JMJD1C: variants seen among roughly 807,000 people sequenced by gnomAD.
The protein encoded by JMJD1C is jumonji domain containing 1C, also known as jumonji domain-containing protein 1C.
Under a neutral mutation model 245.3 loss-of-function variants are expected in JMJD1C, and 31 were observed. The ratio of observed to expected loss-of-function variants is 0.13; its 90% CI spans 0.09 to 0.17. The LOEUF is 0.17. Among genes scored for constraint, JMJD1C ranks in the 10% least tolerant of loss-of-function variants. The pLI is 1.00. For synonymous variants in JMJD1C, 1,057 were observed against 1,017.4 expected (o/e 1.04, Z -0.74); for missense variants, 2,691 against 3,000.2 (o/e 0.90, Z 2.41).
At chr10:63,373,250 A>G (rs1946452008) in intron 2 of JMJD1C, among the ~76,000 whole-genome samples, 1 of 152,214 alleles carries the variant, frequency 6.6e-6, no homozygotes. Flanking sequence ...CCAAGCAAAA[A>G]AAGACACCAC....
chr10:63,393,556 A>G (rs1246342446), intron 1 of JMJD1C, among the ~76,000 whole-genome samples: 1 of 152,170 alleles, frequency 6.6e-6, no homozygotes, highest in Non-Finnish European at 1.5e-5. Flanking sequence ...CAAGGAAAAG[A>G]TATCAGCACA....
chr10:63,226,850 G>A (rs771662002), intron 3 of JMJD1C, among the ~76,000 whole-genome samples: 2 of 151,974 alleles, frequency 1.3e-5, no homozygotes, highest in Admixed American at 6.6e-5. Flanking sequence ...CTGAGGTCAT[G>A]AGTTCAAGAC....
At chr10:63,223,025 A>G in intron 3 of JMJD1C, 2 of 1,321,748 alleles carry the variant, frequency 1.5e-6, no homozygotes, top group Non-Finnish European at 2.2e-6. Context: ...CAATACTATT[A>G]AAGTATTTTT....
intron 4 of JMJD1C, among the ~76,000 whole-genome samples, chr10:63,218,085 G>GA (rs1031838723): frequency 1.3e-5 from 2 of 151,942 alleles, no homozygotes; most frequent in Non-Finnish European, 2.9e-5. Context: ...AACTGTAAGG[G>GA]AAAAAACTGC....
intron 1 of JMJD1C, among the ~76,000 whole-genome samples, chr10:63,516,776 C>T (rs1955029441): frequency 6.6e-6 from 1 of 152,184 alleles, no homozygotes; most frequent in Non-Finnish European, 1.5e-5. Context: ...GTCAGCTAGT[C>T]ACCATCTTTT....
chr10:63,244,511 T>A (rs537814827), intron 3 of JMJD1C, among the ~76,000 whole-genome samples: 2 of 151,804 alleles, frequency 1.3e-5, no homozygotes, highest in African/African-American at 4.8e-5. Context: ...TAGACATACA[T>A]CCAAAAGAAA....
At chr10:63,258,113 T>C (rs781342640) in intron 3 of JMJD1C, among the ~76,000 whole-genome samples, 4 of 152,208 alleles carry the variant, frequency 2.6e-5, no homozygotes, top group African/African-American at 7.2e-5. Context: ...ATGTCTCTTA[T>C]TGAGCAGTTT....
chr10:63,514,627 G>A (rs1954963528), intron 1 of JMJD1C, among the ~76,000 whole-genome samples: 1 of 152,024 alleles, frequency 6.6e-6, no homozygotes, highest in South Asian at 2.1e-4. Flanking sequence ...GAGACTACTA[G>A]AGGAGGGAGG....
chr10:63,182,792 C>T (rs1206471167), intron 22 of JMJD1C, among the ~76,000 whole-genome samples: 1 of 152,164 alleles, frequency 6.6e-6, no homozygotes, highest in African/African-American at 2.4e-5. Flanking sequence ...GAGTCACAAA[C>T]CATATTTTAA....
intron 1 of JMJD1C, among the ~76,000 whole-genome samples, chr10:63,392,871 C>CACACACAA (rs761928467): frequency 0.027 from 2,817 of 103,864 alleles, 57 homozygotes; most frequent in East Asian, 0.083. Flanking sequence ...TACATAAACA[C>CACACACAA]ACACACACAC....
intron 14 of JMJD1C, 191 bp from the exon 15 acceptor site, chr10:63,193,663 TTTTG>T: frequency 2.4e-6 from 1 of 420,672 alleles, no homozygotes; most frequent in Admixed American, 4.2e-5. Context: ...TTTATGTTTT[TTTTG>T]TTTTTTTGTT....
At position 63,276,176 on chromosome 10, in the gene JMJD1C, G is replaced by C. The variant is rs1271177842; in HGVS notation, c.334-11412C>G. On this transcript the variant is annotated intron_variant, in intron 2 of 25. Transcript: ENST00000399262. ...TGGCATTGCCAAGACATTAGAGATA[G>C]GCAGTTGAGGCCGGGCACGGTGGCT... Among the ~76,000 whole-genome samples, 3 of 152,038 alleles carry C rather than the reference G, an allele frequency of 2.0e-5. No individual in the cohort carries two copies. In the East Asian group the frequency reaches 5.8e-4, roughly 29 times the overall value.
intron 1 of JMJD1C, among the ~76,000 whole-genome samples, chr10:63,483,395 T>C (rs190793111): frequency 6.6e-6 from 1 of 152,126 alleles, no homozygotes; most frequent in Non-Finnish European, 1.5e-5. Flanking sequence ...TTAGGAAACA[T>C]AAGTTTTGGA....
chr10:63,330,686 T>C (rs888765674), intron 2 of JMJD1C, among the ~76,000 whole-genome samples: 1 of 152,190 alleles, frequency 6.6e-6, no homozygotes, highest in Non-Finnish European at 1.5e-5. Context: ...TCTCATTTGT[T>C]CTGAAGATAC....
At chr10:63,375,785 C>T (rs1946695262) in intron 2 of JMJD1C, among the ~76,000 whole-genome samples, 1 of 151,898 alleles carries the variant, frequency 6.6e-6, no homozygotes, top group South Asian at 2.1e-4. Context: ...GAGCTCCTGG[C>T]CTCAAGCAAT....
rs758290075 is a variant in JMJD1C, at chr10:63,215,062, T to C, written c.1105A>G (p.Thr369Ala). 2 of 1,602,862 alleles carry C rather than the reference T, an allele frequency of 1.2e-6. No homozygotes were observed. The highest frequency in any genetic ancestry group is 2.3e-5 in the South Asian group (2 of 87,384). ...EKKLNMKRLR[T>A]DNVSDFSESS... The stretch of plus-strand genomic sequence containing the variant: ...TCAGAAAAGTCTGAAACATTGTCAG[T>C]TCGAAGTCTTTTCATATTTAGTTTC... Residue 369 changes from threonine to alanine, a missense_variant, in exon 8 of 26, where the codon ACT becomes GCT. Transcript: ENST00000399262.
intron 1 of JMJD1C, among the ~76,000 whole-genome samples, chr10:63,389,266 C>T (rs562274892): frequency 4.3e-5 from 6 of 139,632 alleles, no homozygotes; most frequent in South Asian, 4.5e-4. Flanking sequence ...GAGCTGAGAT[C>T]GTGCCAATAC....
chr10:63,488,136 T>A (rs757698467), intron 1 of JMJD1C, among the ~76,000 whole-genome samples: 49 of 152,156 alleles, frequency 3.2e-4, no homozygotes, highest in Non-Finnish European at 5.7e-4. Flanking sequence ...GACTGGCCCA[T>A]ATGTTTACAG....
rs1378618361 is a variant in JMJD1C, at chr10:63,350,617, T to C, written c.333+29701A>G. On this transcript the variant is annotated intron_variant, in intron 2 of 25. Transcript: ENST00000399262. The stretch of plus-strand genomic sequence containing the variant: ...ACAGCTAGTGAGCTGCAGAACCAAC[T>C]TTTTTTTTTTTTTTTTTGAGACGGA... Among the ~76,000 whole-genome samples, 14 of 5,544 alleles carry C rather than the reference T, an allele frequency of 2.5e-3. No homozygotes were observed. In the African/African-American group the frequency reaches 0.032, roughly 13 times the overall value. The allele number at this position is 5,544 out of a possible 152,430, so 3.6% of individuals were successfully genotyped here.
Sources: gnomAD v4.1 joint callset for allele counts (sites outside exome capture counted in the v4.1 genomes callset) on GRCh38, gnomAD v4.1.1 for gene constraint, MANE v1.5 for transcripts, NCBI Gene and HGNC (gene_info 2026-07-23, HGNC 2026-07-21) for gene names.